Variants in EP300 observed in about 807,000 individuals in gnomAD.
EP300 encodes the protein EP300 lysine acetyltransferase, also known as histone acetyltransferase p300.
Under a neutral mutation model 264.0 loss-of-function variants are expected in EP300, and 31 were observed. The observed-to-expected ratio is 0.12, with a 90% CI of 0.09 to 0.16. EP300 has a LOEUF of 0.16. Ranked by LOEUF, EP300 falls within the 10% of genes least tolerant of loss-of-function variation. The pLI is 1.00. For missense variants in EP300, 2,766 were observed against 3,052.9 expected (o/e 0.91, Z 2.21); for synonymous variants, 1,340 against 1,045.4 (o/e 1.28, Z -5.44).
At chr22:41,126,209 C>G in intron 3 of EP300, 169 bp downstream of exon 3, 1 of 684,678 alleles carries the variant, frequency 1.5e-6, no homozygotes, top group African/African-American at 1.8e-5. Context: ...CTTTCCATTT[C>G]TCTGTTTTTT....
chr22:41,133,339 C>G (rs1018859083), intron 6 of EP300, among the ~76,000 whole-genome samples: 1 of 151,540 alleles, frequency 6.6e-6, no homozygotes, highest in Non-Finnish European at 1.5e-5. Context: ...TTTTTTGGAA[C>G]GAAGTTTTGC....
intron 1 of EP300, among the ~76,000 whole-genome samples, chr22:41,111,014 G>A (rs115781401): frequency 0.018 from 2,680 of 150,494 alleles, 73 homozygotes; most frequent in African/African-American, 0.063. Flanking sequence ...CACCCAGGCC[G>A]GAATGCAGTG....
Position 41,158,397 on chromosome 22 carries a change from T to G in EP300, c.3502-15T>G. The G allele has an allele frequency of 3.1e-6, 5 of 1,613,098 alleles. No individual in the cohort carries two copies. The highest frequency in any genetic ancestry group is 4.2e-6 in the Non-Finnish European group (5 of 1,179,208). On this transcript the variant is annotated splice_polypyrimidine_tract_variant and intron_variant, in intron 18 of 30. Transcript: ENST00000263253. ...TAAGGCCTCTGTGCTTTTTAACAAA[T>G]GGTTTCTTTTGCAGTTGGAGTTCTC...
At position 41,157,426 on chromosome 22, in the gene EP300, G is replaced by A. The variant is rs745681700; in HGVS notation, c.3501+18G>A. 3 of 1,527,230 alleles carry A rather than the reference G, an allele frequency of 2.0e-6. No individual in the cohort carries two copies. Among genetic ancestry groups the A allele is most frequent in the South Asian group, 2.2e-5 (2 of 90,074 alleles). 94.6% of individuals were successfully genotyped at this position (1,527,230 alleles called of 1,614,324 possible). Reference sequence around the variant, plus strand: ...GCAGAAAGGTAAGAAATGTGTTTCAGATTTGACTTTAACTTTTCTGGGATA... The same window carrying A: ...GCAGAAAGGTAAGAAATGTGTTTCAAATTTGACTTTAACTTTTCTGGGATA... On this transcript the variant is annotated intron_variant, in intron 18 of 30. Transcript: ENST00000263253.
chr22:41,099,077 T>C (rs1231832714), intron 1 of EP300, among the ~76,000 whole-genome samples: 2 of 152,160 alleles, frequency 1.3e-5, no homozygotes, highest in Non-Finnish European at 1.5e-5. Flanking sequence ...TTTGTTTTTT[T>C]GATTTGCAAC....
At chr22:41,163,812 G>A (rs1019707410) in intron 21 of EP300, among the ~76,000 whole-genome samples, 1 of 152,080 alleles carries the variant, frequency 6.6e-6, no homozygotes, top group Non-Finnish European at 1.5e-5. Context: ...TAGCTGAGAG[G>A]CCAAGGCAGG....
At chr22:41,116,534 T>G (rs141632277) in intron 1 of EP300, among the ~76,000 whole-genome samples, 1 of 152,320 alleles carries the variant, frequency 6.6e-6, no homozygotes, top group Non-Finnish European at 1.5e-5. Context: ...GCAAAGGACA[T>G]GAACTCATCC....
intron 1 of EP300, among the ~76,000 whole-genome samples, chr22:41,105,669 T>C (rs2058754836): frequency 6.6e-6 from 1 of 152,120 alleles, no homozygotes; most frequent in South Asian, 2.1e-4. Context: ...AGTGTTGGGA[T>C]TACAGGCGTG....
At chr22:41,138,725 T>C (rs1373217997) in intron 8 of EP300, among the ~76,000 whole-genome samples, 1 of 152,156 alleles carries the variant, frequency 6.6e-6, no homozygotes, top group Non-Finnish European at 1.5e-5. Context: ...TCAAACACCA[T>C]GCAGTATTTT....
intron 1 of EP300, among the ~76,000 whole-genome samples, chr22:41,112,524 C>G (rs2058798567): frequency 6.6e-6 from 1 of 152,074 alleles, no homozygotes; most frequent in Admixed American, 6.6e-5. Flanking sequence ...TTTTCTTTAT[C>G]CTTTGTTACT....
At chr22:41,106,934 T>A (rs2058761197) in intron 1 of EP300, among the ~76,000 whole-genome samples, 1 of 152,006 alleles carries the variant, frequency 6.6e-6, no homozygotes, top group Admixed American at 6.6e-5. Context: ...TGAGGTGGGA[T>A]CTCGCACTGT....
At chr22:41,172,399 A>G in intron 27 of EP300, 100 bp from the exon 28 acceptor site, 2 of 1,125,228 alleles carry the variant, frequency 1.8e-6, no homozygotes, top group Admixed American at 4.0e-5. Context: ...CTTTCAAGAC[A>G]TTTTAAGCTT....
At chr22:41,114,320 C>T (rs2058809977) in intron 1 of EP300, among the ~76,000 whole-genome samples, 1 of 152,056 alleles carries the variant, frequency 6.6e-6, no homozygotes, top group East Asian at 1.9e-4. Context: ...TAGCTGAGAC[C>T]ACAGGTACAG....
intron 5 of EP300, among the ~76,000 whole-genome samples, chr22:41,130,862 ATC>A (rs371389890): frequency 4.6e-5 from 7 of 152,206 alleles, no homozygotes; most frequent in African/African-American, 1.7e-4. Flanking sequence ...TAACTACCAC[ATC>A]TCTATAGCAA....
At chr22:41,161,490 G>A (rs182129243) in intron 20 of EP300, among the ~76,000 whole-genome samples, 4 of 152,046 alleles carry the variant, frequency 2.6e-5, no homozygotes, top group Admixed American at 1.3e-4. Context: ...GGTGGTGGGC[G>A]CCTGTAGTCC....
intron 10 of EP300, among the ~76,000 whole-genome samples, chr22:41,143,413 C>T (rs970578303): frequency 1.3e-5 from 2 of 152,200 alleles, no homozygotes; most frequent in Non-Finnish European, 2.9e-5. Flanking sequence ...GATTGTGCCA[C>T]TGCACTTAAG....
chr22:41,177,992 A>C lies in EP300; in HGVS notation c.6281A>C (p.Asn2094Thr). 6.2e-7 allele frequency: 1 copy of C among 1,614,010 alleles called. No homozygotes were observed. The highest frequency in any genetic ancestry group is 1.3e-5 in the African/African-American group (1 of 74,966). Residue 2094 changes from asparagine (N) to threonine (T), a missense_variant, in exon 31 of 31, where the codon AAC (asparagine) becomes ACC (threonine). By Grantham distance (65) the Asn-to-Thr change is moderately conservative (BLOSUM62 0). Coordinates refer to ENST00000263253, the MANE Select transcript of EP300 (RefSeq NM_001429.4). ...FIKQRAAKYA[N>T]SNPQPIPGQP... ...AAGCAGCGGGCTGCCAAGTATGCCAACTCTAATCCACAACCCATCCCTGGG... is the reference window on the plus strand; with the variant it reads ...AAGCAGCGGGCTGCCAAGTATGCCACCTCTAATCCACAACCCATCCCTGGG...
intron 2 of EP300, among the ~76,000 whole-genome samples, chr22:41,119,881 C>A (rs2058842869): frequency 6.6e-6 from 1 of 152,158 alleles, no homozygotes; most frequent in African/African-American, 2.4e-5. Flanking sequence ...GTGGCGTGAT[C>A]TTGGATCACT....
intron 28 of EP300, among the ~76,000 whole-genome samples, chr22:41,173,114 C>A (rs2059180221): frequency 6.6e-6 from 1 of 152,198 alleles, no homozygotes; most frequent in South Asian, 2.1e-4. Context: ...GTAACCTCAC[C>A]AGTTATTTCC....
Sources: gnomAD v4.1 joint callset for allele counts (sites outside exome capture counted in the v4.1 genomes callset) on GRCh38, gnomAD v4.1.1 for gene constraint, MANE v1.5 for transcripts, NCBI Gene and HGNC (gene_info 2026-07-23, HGNC 2026-07-21) for gene names.